PTBP3: variants seen among roughly 807,000 people sequenced by gnomAD.
PTBP3 encodes the protein polypyrimidine tract-binding protein 3.
A neutral mutation model predicts 58.7 loss-of-function variants in PTBP3; 20 were observed. The ratio of observed to expected loss-of-function variants is 0.34; its 90% confidence interval spans 0.24 to 0.50. The LOEUF (loss-of-function observed/expected upper bound fraction) is 0.50. PTBP3 is among the 20% of genes least tolerant of loss of function. The pLI is 0.98. For synonymous variants in PTBP3, 185 were observed against 219.8 expected (o/e 0.84, Z 1.40); for missense variants, 509 against 637.2 (o/e 0.80, Z 2.17).
intron 5 of PTBP3, among the ~76,000 whole-genome samples, chr9:112,257,098 C>T (rs1379283142): frequency 6.6e-6 from 1 of 152,086 alleles, no homozygotes; most frequent in African/African-American, 2.4e-5. Flanking sequence ...CAACAATGGC[C>T]TAAAGCACAT....
intron 1 of PTBP3, chr9:112,333,098 C>A (rs957809275): frequency 8.7e-6 from 11 of 1,268,398 alleles, no homozygotes; most frequent in Admixed American, 4.2e-5. Context: ...CCCAGCGCCG[C>A]GCACCATTTT....
chr9:112,260,590 A>C (rs1048600489), intron 5 of PTBP3, among the ~76,000 whole-genome samples: 1 of 152,220 alleles, frequency 6.6e-6, no homozygotes, highest in Non-Finnish European at 1.5e-5. Flanking sequence ...CGGCCTAAGA[A>C]ATACAAGACA....
upstream of PTBP3, among the ~76,000 whole-genome samples, chr9:112,334,730 CTG>C (rs1222879170): frequency 5.9e-5 from 9 of 152,200 alleles, no homozygotes; most frequent in African/African-American, 2.2e-4. Flanking sequence ...AAGATCTAAA[CTG>C]TGGACTCATT....
intron 10 of PTBP3, among the ~76,000 whole-genome samples, chr9:112,230,609 A>G (rs1284487520): frequency 6.6e-6 from 1 of 152,192 alleles, no homozygotes; most frequent in Non-Finnish European, 1.5e-5. Flanking sequence ...TTCTTCAGCT[A>G]TGACAACCAT....
chr9:112,327,840 C>G (rs1388699986), intron 1 of PTBP3, among the ~76,000 whole-genome samples: 1 of 151,176 alleles, frequency 6.6e-6, no homozygotes, highest in Non-Finnish European at 1.5e-5. Context: ...AGCTTAAGTT[C>G]CTGTATAAGT....
At chr9:112,371,109 T>A in the PTBP3 span, among the ~76,000 whole-genome samples, 1 of 152,208 alleles carries the variant, frequency 6.6e-6, no homozygotes, top group Non-Finnish European at 1.5e-5. Flanking sequence ...GTGCTTTTTT[T>A]CTTTTTCTTA....
At chr9:112,227,246 G>A (rs1476065688) in intron 12 of PTBP3, among the ~76,000 whole-genome samples, 165 bp downstream of exon 12, 1 of 152,122 alleles carries the variant, frequency 6.6e-6, no homozygotes, top group Non-Finnish European at 1.5e-5. Context: ...GTGTAGGATT[G>A]GAGATAACCT....
At chr9:112,267,058 T>C (rs549187473) in intron 4 of PTBP3, among the ~76,000 whole-genome samples, 1 of 152,300 alleles carries the variant, frequency 6.6e-6, no homozygotes, top group African/African-American at 2.4e-5. Flanking sequence ...CAGCTAACAT[T>C]ATACTGCCTT....
chr9:112,313,125 G>A (rs1003623426), intron 1 of PTBP3, among the ~76,000 whole-genome samples: 1 of 152,092 alleles, frequency 6.6e-6, no homozygotes, highest in Non-Finnish European at 1.5e-5. Flanking sequence ...AAGATAACAT[G>A]ATCATATAAG....
At chr9:112,252,122 AGAC>A (rs1240904536) in intron 6 of PTBP3, 3 of 152,316 alleles carry the variant, frequency 2.0e-5, no homozygotes, top group South Asian at 4.1e-4. Context: ...AAAAAAAAAA[AGAC>A]AACACGAATT....
the PTBP3 span, among the ~76,000 whole-genome samples, chr9:112,364,093 G>A: frequency 2.0e-5 from 3 of 150,262 alleles, no homozygotes; most frequent in African/African-American, 7.4e-5. Context: ...ATCATACAGT[G>A]TGTACCCTTT....
Position 112,224,228 on chromosome 9 carries a change from G to T in PTBP3, c.1365-18C>A, listed in dbSNP as rs772869748. 6.8e-7 allele frequency: 1 copy of T among 1,469,140 alleles called. No homozygotes were observed. Among genetic ancestry groups the T allele is most frequent in the Non-Finnish European group, 9.1e-7 (1 of 1,095,772 alleles). 91.0% of individuals were successfully genotyped at this position (1,469,140 alleles called of 1,614,324 possible). On this transcript the variant is annotated intron_variant, in intron 12 of 13. Transcript: ENST00000374257. ...CAGAAGGGCTGTGAAAACATCAGAG[G>T]GAGTCAACTACCTGGGCCGCATTCT...
intron 1 of PTBP3, among the ~76,000 whole-genome samples, chr9:112,328,796 A>G (rs1040228575): frequency 1.3e-5 from 2 of 152,196 alleles, no homozygotes; most frequent in African/African-American, 2.4e-5. Flanking sequence ...CAAACAAAAA[A>G]CCATGAATGA....
chr9:112,293,253 G>T (rs1473769606), intron 2 of PTBP3, among the ~76,000 whole-genome samples: 1 of 152,010 alleles, frequency 6.6e-6, no homozygotes. Context: ...AAAAAGGAAA[G>T]AAGGATTCCT....
chr9:112,340,609 G>A, the PTBP3 span, among the ~76,000 whole-genome samples: 5 of 152,230 alleles, frequency 3.3e-5, no homozygotes, highest in Middle Eastern at 3.4e-3. Flanking sequence ...AGGGCCGGGT[G>A]CAGTGGCTCA....
upstream of PTBP3, among the ~76,000 whole-genome samples, chr9:112,334,992 G>A (rs1372721024): frequency 6.6e-6 from 1 of 152,126 alleles, no homozygotes; most frequent in Non-Finnish European, 1.5e-5. Flanking sequence ...AGTTGCATTT[G>A]TAAACATTGC....
At position 112,223,176 on chromosome 9, in the gene PTBP3, G is replaced by A; in HGVS notation, c.*675C>T. The A allele has an allele frequency of 1.1e-6, 1 of 914,514 alleles. No homozygotes were observed. Among genetic ancestry groups the A allele is most frequent in the African/African-American group, 1.8e-5 (1 of 55,760 alleles). 56.6% of individuals were successfully genotyped at this position (914,514 alleles called of 1,614,324 possible). A position where few individuals can be genotyped will look rare whatever the true frequency, so the allele number is the denominator to read the frequency against. On this transcript the variant is annotated 3_prime_UTR_variant, in exon 14 of 14. Transcript: ENST00000374257. ...CCACTTAATTTCCCTGGGGACAGCT[G>A]AGACACTGCATTTTTCCAAATAGTC...
chr9:112,227,756 G>A, intron 11 of PTBP3, 129 bp from the exon 12 acceptor site: 1 of 726,258 alleles, frequency 1.4e-6, no homozygotes, highest in Non-Finnish European at 2.2e-6. Context: ...AGGGTGAAAA[G>A]GGTTTCAAAA....
intron 2 of PTBP3, among the ~76,000 whole-genome samples, chr9:112,290,736 ACAAT>A (rs1828381571): frequency 6.7e-6 from 1 of 150,224 alleles, no homozygotes; most frequent in Non-Finnish European, 1.5e-5. Context: ...ACACACACAC[ACAAT>A]CAAGTGTTGG....
Sources: allele counts gnomAD v4.1 joint callset (sites outside exome capture counted in the v4.1 genomes callset), GRCh38; gene constraint gnomAD v4.1.1; transcripts MANE v1.5; gene names NCBI Gene and HGNC (gene_info 2026-07-23, HGNC 2026-07-21).